The following DLG1 variants were observed in gnomAD, a reference collection of about 807,000 sequenced individuals.
DLG1 encodes the protein discs large MAGUK scaffold protein 1, also known as disks large homolog 1.
A neutral mutation model predicts 123.4 loss-of-function variants in DLG1; 42 were observed. That is an observed-to-expected ratio of 0.34 (90% CI 0.27 to 0.44). The LOEUF is 0.44. Ranked by LOEUF, DLG1 falls within the 20% of genes least tolerant of loss-of-function variation. The pLI is 1.00. For synonymous variants in DLG1, 317 were observed against 356.2 expected (o/e 0.89, Z 1.24); for missense variants, 942 against 1,082.6 (o/e 0.87, Z 1.82).
At chr3:197,234,332 C>G (rs1041010754) in intron 4 of DLG1, among the ~76,000 whole-genome samples, 3 of 152,168 alleles carry the variant, frequency 2.0e-5, no homozygotes, top group Non-Finnish European at 2.9e-5. Flanking sequence ...TGTAAAATTT[C>G]AATGCAGAAT....
chr3:197,079,623 C>G (rs1246531713), intron 17 of DLG1, among the ~76,000 whole-genome samples: 1 of 152,084 alleles, frequency 6.6e-6, no homozygotes, highest in Non-Finnish European at 1.5e-5. Flanking sequence ...GTATATTGTA[C>G]TAAATCATTT....
At chr3:197,194,312 G>T (rs1281354558) in intron 5 of DLG1, 113 bp downstream of exon 5, 3 of 547,380 alleles carry the variant, frequency 5.5e-6, no homozygotes, top group Admixed American at 8.5e-5. Context: ...ACTAAAATGG[G>T]GGGGTGGGGT....
chr3:197,101,625 G>A (rs1270342335), intron 14 of DLG1, among the ~76,000 whole-genome samples: 3 of 152,016 alleles, frequency 2.0e-5, no homozygotes, highest in Admixed American at 6.5e-5. Context: ...TCCTGACCTC[G>A]TGATCTGCCC....
intron 5 of DLG1, chr3:197,161,788 G>T (rs753792770): frequency 2.6e-6 from 3 of 1,154,658 alleles, no homozygotes; most frequent in South Asian, 2.9e-5. Flanking sequence ...AAATAAAAGG[G>T]AAACACATAA....
intron 4 of DLG1, among the ~76,000 whole-genome samples, chr3:197,217,292 C>G (rs921672847): frequency 6.6e-6 from 1 of 152,188 alleles, no homozygotes; most frequent in African/African-American, 2.4e-5. Context: ...ATTAAATGGA[C>G]TGATCATTCT....
chr3:197,283,203 C>T (rs867423725), intron 3 of DLG1, among the ~76,000 whole-genome samples: 1 of 152,138 alleles, frequency 6.6e-6, no homozygotes, highest in Admixed American at 6.5e-5. Context: ...TATAAGATGC[C>T]TAGCACTATA....
At chr3:197,241,477 G>A (rs1748814415) in intron 4 of DLG1, among the ~76,000 whole-genome samples, 1 of 151,964 alleles carries the variant, frequency 6.6e-6, no homozygotes, top group Non-Finnish European at 1.5e-5. Context: ...ATTTGAAGGT[G>A]TAAAACCCAC....
chr3:197,064,651 T>C (rs948247574), intron 22 of DLG1, among the ~76,000 whole-genome samples: 1 of 152,200 alleles, frequency 6.6e-6, no homozygotes, highest in Admixed American at 6.5e-5. Context: ...ATGAGTTCTT[T>C]ATATATTGGG....
rs527246949 is a variant in DLG1 at position 197,111,242 on chromosome 3, GTT to G, written c.1443+4683_1443+4684del. On this transcript the variant is annotated intron_variant, in intron 13 of 24. Transcript: ENST00000667157. ...CCAGTTTTAGAATCAAGACCAAAGG[GTT>G]TCCAGACATGGGGCATTCAGTTCTA... Among the ~76,000 whole-genome samples the G allele has an allele frequency of 1.1e-4, 17 of 152,316 alleles. No homozygotes were observed. In the South Asian group the frequency reaches 3.5e-3, roughly 32 times the overall value.
Position 197,138,202 on chromosome 3 carries a change from T to C in DLG1, c.883+20A>G. ...TCAGAGATTTCTTAAAGATTTATCT[T>C]AGTTTGACTTACCACATACCTTTAG... On this transcript the variant is annotated intron_variant, in intron 9 of 24. Transcript: ENST00000667157. 1 of 1,442,146 alleles carries C rather than the reference T, an allele frequency of 6.9e-7. No homozygotes were observed. The highest frequency in any genetic ancestry group is 9.3e-7 in the Non-Finnish European group (1 of 1,073,122). 89.3% of individuals were successfully genotyped at this position (1,442,146 alleles called of 1,614,324 possible).
At chr3:197,232,565 C>CA (rs1198406779) in intron 4 of DLG1, among the ~76,000 whole-genome samples, 4 of 151,922 alleles carry the variant, frequency 2.6e-5, no homozygotes, top group African/African-American at 9.7e-5. Context: ...AAACTCTGAC[C>CA]TCTAACCTAC....
At chr3:197,081,183 C>G (rs915102289) in intron 16 of DLG1, 66 bp from the exon 17 acceptor site, 23 of 1,456,088 alleles carry the variant, frequency 1.6e-5, no homozygotes, top group Non-Finnish European at 2.0e-5. Flanking sequence ...CTAGAAATAA[C>G]CAGAATTGTT....
chr3:197,277,122 G>A (rs184039567), intron 4 of DLG1, among the ~76,000 whole-genome samples: 1 of 151,750 alleles, frequency 6.6e-6, no homozygotes, highest in Admixed American at 6.6e-5. Flanking sequence ...GAACTTCTGA[G>A]CTTAAGCGAT....
intron 16 of DLG1, among the ~76,000 whole-genome samples, chr3:197,084,402 C>G (rs934682546): frequency 5.9e-5 from 9 of 151,738 alleles, no homozygotes; most frequent in African/African-American, 2.4e-5. Context: ...ACCTCCACCT[C>G]CTGGGTTCAA....
At chr3:197,070,644 T>C (rs1743231258) in intron 18 of DLG1, 1 of 146,002 alleles carries the variant, frequency 6.8e-6, no homozygotes, top group African/African-American at 2.5e-5. Flanking sequence ...CTCAGCTCAC[T>C]GCAACCTCTG....
chr3:197,207,741 T>C (rs1439614832), intron 4 of DLG1, among the ~76,000 whole-genome samples: 1 of 115,954 alleles, frequency 8.6e-6, no homozygotes, highest in Non-Finnish European at 2.1e-5. Context: ...ATAAAGTTTA[T>C]ATCTTCAACC....
At chr3:197,289,565 C>T (rs1394962979) in intron 3 of DLG1, among the ~76,000 whole-genome samples, 1 of 152,058 alleles carries the variant, frequency 6.6e-6, no homozygotes, top group East Asian at 1.9e-4. Flanking sequence ...AAATATAACC[C>T]TACCATTTCA....
intron 4 of DLG1, chr3:197,260,168 T>C (rs1415893504): frequency 9.6e-6 from 3 of 312,912 alleles, no homozygotes; most frequent in Non-Finnish European, 1.9e-5. Flanking sequence ...TCTATAACAA[T>C]GGTTACACCT....
intron 15 of DLG1, among the ~76,000 whole-genome samples, chr3:197,089,516 GA>G (rs1756457389): frequency 6.8e-6 from 1 of 146,826 alleles, no homozygotes; most frequent in African/African-American, 2.6e-5. Flanking sequence ...GACAAAGTGA[GA>G]CCCTGTCTTT....
Sources: gnomAD v4.1 joint callset for allele counts (sites outside exome capture counted in the v4.1 genomes callset) on GRCh38, gnomAD v4.1.1 for gene constraint, MANE v1.5 for transcripts, NCBI Gene and HGNC (gene_info 2026-07-23, HGNC 2026-07-21) for gene names.